Variants in GPSM1 observed in about 807,000 individuals in gnomAD.
The protein encoded by GPSM1 is G protein signaling modulator 1.
In GPSM1, 48 loss-of-function variants were observed where a neutral mutation model predicts 70.5. That is an observed-to-expected ratio of 0.68 (90% CI 0.54 to 0.87). The LOEUF (loss-of-function observed/expected upper bound fraction) is 0.87. GPSM1 is among the 40% of genes least tolerant of loss of function. GPSM1 has a pLI of 0.00. For synonymous variants in GPSM1, 416 were observed against 430.1 expected, an observed-to-expected ratio of 0.97 and a Z score of 0.41; for missense variants, 981 against 972.6, an observed-to-expected ratio of 1.01 and a Z score of -0.11.
chr9:136,350,044 G>A (rs961673085), intron 11 of GPSM1, among the ~76,000 whole-genome samples: 25 of 152,220 alleles, frequency 1.6e-4, no homozygotes, highest in Non-Finnish European at 2.5e-4. Flanking sequence ...GGAACGCCCC[G>A]CCTCTCTTTG....
rs1302760576 is a variant in GPSM1, at chr9:136,342,880, G to A, written c.1207+1887G>A. Reference sequence around the variant, plus strand: ...GGCAGGGAGGAGGAAGTCGTCTGGAGGTGGGGCTTCAGCCCGGCGGGGACG... The same window carrying A: ...GGCAGGGAGGAGGAAGTCGTCTGGAAGTGGGGCTTCAGCCCGGCGGGGACG... On this transcript the variant is annotated intron_variant, in intron 9 of 13. Coordinates refer to ENST00000440944, the MANE Select transcript of GPSM1 (RefSeq NM_001145638.3). The surrounding 1 kb of genome is among the most constrained non-coding windows in gnomAD (Gnocchi z 5.5). Among the ~76,000 whole-genome samples, 2 of 140,216 alleles carry A rather than the reference G, an allele frequency of 1.4e-5. No individual in the cohort carries two copies. Among genetic ancestry groups the A allele is most frequent in the Non-Finnish European group, 3.2e-5 (2 of 63,034 alleles). 92.0% of individuals were successfully genotyped at this position (140,216 alleles called of 152,430 possible).
chr9:136,337,583 CAG>C lies in GPSM1; in HGVS notation c.702+20_702+21del. On this transcript the variant is annotated intron_variant, in intron 5 of 13. Transcript: ENST00000440944. ...CAAGGAGGTGAGCCGGGCAGGGTGA[CAG>C]GGTGGAGGGGCCGGGCTGCTGCAGG... 3.2e-6 allele frequency: 5 copies of C among 1,551,888 alleles called. No homozygotes were observed. The highest frequency in any genetic ancestry group is 4.4e-6 in the Non-Finnish European group (5 of 1,147,130).
In GPSM1 at chr9:136,342,425, C is replaced by T. The variant is rs543933684; in HGVS notation, c.1207+1432C>T. Among the ~76,000 whole-genome samples, 14 of 152,324 alleles carry T rather than the reference C, an allele frequency of 9.2e-5. No homozygotes were observed. Among genetic ancestry groups the T allele is most frequent in the African/African-American group, 3.1e-4 (13 of 41,580 alleles). ...GACGCTGGAACAATGCAGCTTCTGTCCCTCTCTGGCTCCTCTGTGCCGCCC... is the reference window on the plus strand; with the variant it reads ...GACGCTGGAACAATGCAGCTTCTGTTCCTCTCTGGCTCCTCTGTGCCGCCC... On this transcript the variant is annotated intron_variant, in intron 9 of 13. Coordinates refer to ENST00000440944, the MANE Select transcript of GPSM1 (RefSeq NM_001145638.3). This position sits in a 1 kb window ranked among gnomAD's most constrained non-coding sequence, Gnocchi z 5.5.
intron 4 of GPSM1, 49 bp from the exon 5 acceptor site, chr9:136,337,392 T>C: frequency 6.4e-7 from 1 of 1,553,842 alleles, no homozygotes; most frequent in Non-Finnish European, 8.7e-7. Flanking sequence ...CTGGGGTGGG[T>C]GAGGACATGG....
chr9:136,356,307 C>G (rs781947630), intron 12 of GPSM1, 35 bp from the exon 13 acceptor site: 7 of 1,472,240 alleles, frequency 4.8e-6, no homozygotes, highest in South Asian at 4.0e-5. Flanking sequence ...TGACCCCGCA[C>G]TGGGTCCCAG....
At position 136,358,286 on chromosome 9, in the gene GPSM1, C is replaced by T. The variant is rs1832900261; in HGVS notation, c.*66C>T. The stretch of plus-strand genomic sequence containing the variant: ...TGGACGCCGGTCTCACAGTCACAGC[C>T]ACGTCCTCCCGAGGCCATTGCCGAG... On this transcript the variant is annotated 3_prime_UTR_variant, in exon 14 of 14. Coordinates refer to ENST00000440944, the MANE Select transcript of GPSM1 (RefSeq NM_001145638.3). 1.5e-6 allele frequency: 2 copies of T among 1,360,008 alleles called. No homozygotes were observed. The highest frequency in any genetic ancestry group is 2.1e-5 in the Admixed American group (1 of 47,662). 84.2% of individuals were successfully genotyped at this position (1,360,008 alleles called of 1,614,324 possible).
In GPSM1 at chr9:136,337,728, G is replaced by A. The variant is rs541445116; in HGVS notation, c.703-118G>A. The A allele has an allele frequency of 1.3e-4, 128 of 998,002 alleles. 1 individual carries two copies. In the South Asian group the frequency reaches 1.4e-3, roughly 11 times the overall value. 61.8% of individuals were successfully genotyped at this position (998,002 alleles called of 1,614,324 possible). A position where few individuals can be genotyped will look rare whatever the true frequency, so the allele number is the denominator to read the frequency against. On this transcript the variant is annotated intron_variant, in intron 5 of 13. Transcript: ENST00000440944. ...GCACTTGGTCCTGCAGCTGCTAGCT[G>A]CTCACCCGGACACACAGATCTCTGG...
At chr9:136,357,779 C>T (rs1037152257) in intron 13 of GPSM1, among the ~76,000 whole-genome samples, 1 of 152,236 alleles carries the variant, frequency 6.6e-6, no homozygotes, top group Non-Finnish European at 1.5e-5. Flanking sequence ...TTTTCCTGGG[C>T]GGGCCTGCCC....
At chr9:136,345,868 T>C (rs1416616185) in intron 9 of GPSM1, among the ~76,000 whole-genome samples, 1 of 152,186 alleles carries the variant, frequency 6.6e-6, no homozygotes, top group Non-Finnish European at 1.5e-5. Flanking sequence ...GGTGGGCAGC[T>C]GGTGGCCCTT....
In GPSM1 at chr9:136,336,008, C is replaced by T. The variant is rs782576867; in HGVS notation, c.333C>T (p.Asn111=). The change falls in exon 3 of 14, where the codon AAC becomes AAT. Residue 111 remains asparagine, a synonymous_variant. Transcript: ENST00000440944. ...TGGGGGAGGCCAAGGCCAGTGGAAA[C>T]CTGGGAAACACACTCAAGGTCCTGG... The part of the protein sequence containing the change: ...DRMGEAKASG[N]LGNTLKVLGR... 2 of 1,612,606 alleles carry T rather than the reference C, an allele frequency of 1.2e-6. No homozygotes were observed. The highest frequency in any genetic ancestry group is 1.7e-6 in the Non-Finnish European group (2 of 1,179,890).
At chr9:136,345,718 G>A (rs782606590) in intron 9 of GPSM1, among the ~76,000 whole-genome samples, 1 of 152,218 alleles carries the variant, frequency 6.6e-6, no homozygotes, top group Non-Finnish European at 1.5e-5. Context: ...GACGGAGCGG[G>A]GCTCTCGCTG....
rs573738878 is a variant in GPSM1 at position 136,340,198 on chromosome 9, C to T, written c.1083+383C>T. 5.9e-5 allele frequency among the ~76,000 whole-genome samples: 9 copies of T among 152,286 alleles called. No homozygotes were observed. Among genetic ancestry groups the T allele is most frequent in the South Asian group, 2.1e-4 (1 of 4,830 alleles). On this transcript the variant is annotated intron_variant, in intron 8 of 13. Transcript: ENST00000440944. The surrounding 1 kb of genome is among the most constrained non-coding windows in gnomAD (Gnocchi z 7.3). Reference sequence around the variant, plus strand: ...CCACGCCACCTCCCTCTGCACACCCCGAGCCTGTTCATGCTAAAGACGGTG... The same window carrying T: ...CCACGCCACCTCCCTCTGCACACCCTGAGCCTGTTCATGCTAAAGACGGTG...
Position 136,340,791 on chromosome 9 carries a change from G to A in GPSM1, c.1084-79G>A, listed in dbSNP as rs1832368790. On this transcript the variant is annotated intron_variant, in intron 8 of 13. Coordinates refer to ENST00000440944, the MANE Select transcript of GPSM1 (RefSeq NM_001145638.3). This position sits in a 1 kb window ranked among gnomAD's most constrained non-coding sequence, Gnocchi z 7.3. ...CAGAAGGTCAGGGACGGGTGTACTG[G>A]GGGCCATTAAGGTCCCCTTGGAGCC... is the stretch of plus-strand genomic sequence containing the variant. The A allele has an allele frequency of 6.7e-7, 1 of 1,482,426 alleles. No individual in the cohort carries two copies. The allele number at this position is 1,482,426 out of a possible 1,614,324, so 91.8% of individuals were successfully genotyped here.
At chr9:136,349,487 A>G in intron 10 of GPSM1, 100 bp from the exon 11 acceptor site, 1 of 1,055,202 alleles carries the variant, frequency 9.5e-7, no homozygotes, top group Non-Finnish European at 1.4e-6. Flanking sequence ...TACGGCGTGC[A>G]TCCATGAAAT....
intron 3 of GPSM1, 37 bp from the exon 4 acceptor site, chr9:136,336,884 G>T: frequency 6.5e-7 from 1 of 1,532,842 alleles, no homozygotes; most frequent in Middle Eastern, 1.7e-4. Context: ...GTGGGGGGCC[G>T]TGGAGGCATG....
chr9:136,341,444 C>T lies in GPSM1; in HGVS notation c.1207+451C>T, dbSNP rs1297800235. 1.4e-6 allele frequency: 2 copies of T among 1,381,100 alleles called. No individual in the cohort carries two copies. The highest frequency in any genetic ancestry group is 6.7e-5 in the Admixed American group (2 of 29,724). 85.6% of individuals were successfully genotyped at this position (1,381,100 alleles called of 1,614,324 possible). On this transcript the variant is annotated intron_variant, in intron 9 of 13. Transcript: ENST00000440944. The surrounding 1 kb of genome is among the most constrained non-coding windows in gnomAD (Gnocchi z 6.7). ...GCAGTAATCAGGCAAGGCCCAAGGC[C>T]ATGCGAGGCCACCGTGGTGACCTCA...
rs370124538 is a variant in GPSM1 at position 136,358,079 on chromosome 9, G to C, written c.1887G>C (p.Pro629=). Residue 629 remains proline (P), a synonymous_variant, in exon 14 of 14, where the codon CCG becomes CCC. Transcript: ENST00000440944. ...PDVLPRGPTM[P]DEDFFSLIQR... is the part of the protein sequence containing the mutation. ...TACTGCCCCGGGGCCCTACCATGCC[G>C]GACGAGGACTTCTTCAGCCTCATTC... The C allele has an allele frequency of 6.2e-7, 1 of 1,612,604 alleles. No individual in the cohort carries two copies. The highest frequency in any genetic ancestry group is 8.5e-7 in the Non-Finnish European group (1 of 1,179,808).
chr9:136,348,655 TGC>T, intron 9 of GPSM1, 40 bp from the exon 10 acceptor site: 1 of 1,485,116 alleles, frequency 6.7e-7, no homozygotes, highest in Non-Finnish European at 9.3e-7. Flanking sequence ...CAATGCGAGG[TGC>T]CAGGGTGGTG....
intron 1 of GPSM1, among the ~76,000 whole-genome samples, chr9:136,332,498 C>T (rs1832125047): frequency 6.6e-6 from 1 of 152,252 alleles, no homozygotes; most frequent in African/African-American, 2.4e-5. Context: ...ACACCCAGGC[C>T]TCAGGCCTGA....
Sources: gnomAD v4.1 joint callset for allele counts (sites outside exome capture counted in the v4.1 genomes callset) on GRCh38, gnomAD v4.1.1 for gene constraint, Gnocchi (gnomAD v3.1) non-coding constraint, MANE v1.5 for transcripts, NCBI Gene and HGNC (gene_info 2026-07-23, HGNC 2026-07-21) for gene names.